NIPAL1: variants seen among roughly 807,000 people sequenced by gnomAD.
NIPAL1 encodes the protein NIPA like domain containing 1, also known as magnesium transporter NIPA3.
NIPAL1 carries 35 observed loss-of-function variants against 37.7 expected under a neutral mutation model. The ratio of observed to expected loss-of-function variants is 0.93; its 90% CI spans 0.71 to 1.23. NIPAL1 has a LOEUF of 1.23. Among genes scored for constraint, NIPAL1 ranks in the 50% most tolerant of loss-of-function variants. NIPAL1 has a pLI of 0.00. For synonymous variants in NIPAL1, 162 were observed against 183.0 expected (o/e 0.89, Z 0.93); for missense variants, 412 against 473.9 (o/e 0.87, Z 1.21).
At chr4:48,019,043 C>T (rs964657931) in intron 1 of NIPAL1, among the ~76,000 whole-genome samples, 6 of 151,986 alleles carry the variant, frequency 3.9e-5, no homozygotes, top group East Asian at 1.9e-4. Context: ...TTTTTTGAGG[C>T]GGAGTGCCAC....
At chr4:48,019,119 G>A (rs1715516621) in intron 1 of NIPAL1, among the ~76,000 whole-genome samples, 1 of 152,218 alleles carries the variant, frequency 6.6e-6, no homozygotes. Flanking sequence ...CTGGGTTCAA[G>A]CAATTCTCCT....
At position 48,039,643 on chromosome 4, in the gene NIPAL1, T is replaced by C. The variant is rs1299355825; in HGVS notation, c.*3471T>C. 2 of 152,232 alleles carry C rather than the reference T, an allele frequency of 1.3e-5. No homozygotes were observed. The highest frequency in any genetic ancestry group is 2.9e-5 in the Non-Finnish European group (2 of 68,032). 9.4% of individuals were successfully genotyped at this position (152,232 alleles called of 1,614,324 possible). ...AATGGTTATTTATTATAAGTTCAGA[T>C]TGCACAATTTTCATAAGACCCTTTG... On this transcript the variant is annotated 3_prime_UTR_variant, in exon 6 of 6. Transcript: ENST00000295461.
In NIPAL1 at chr4:48,036,312, C is replaced by T; in HGVS notation, c.*140C>T. On this transcript the variant is annotated 3_prime_UTR_variant, in exon 6 of 6. Transcript: ENST00000295461. ...TAGATGTGAGGCCAAGTAAAAATGCCATTTTTTTGGCCATTGAATTTGAAA... is the reference window on the plus strand; with the variant it reads ...TAGATGTGAGGCCAAGTAAAAATGCTATTTTTTTGGCCATTGAATTTGAAA... 1.4e-6 allele frequency: 1 copy of T among 722,972 alleles called. No individual in the cohort carries two copies. Among genetic ancestry groups the T allele is most frequent in the Non-Finnish European group, 2.2e-6 (1 of 452,814 alleles). 44.8% of individuals were successfully genotyped at this position (722,972 alleles called of 1,614,324 possible).
chr4:48,031,900 G>A (rs1383770497), intron 3 of NIPAL1, among the ~76,000 whole-genome samples: 1 of 151,908 alleles, frequency 6.6e-6, no homozygotes, highest in Non-Finnish European at 1.5e-5. Context: ...CACCACACCC[G>A]GTTAGTTTTT....
intron 1 of NIPAL1, among the ~76,000 whole-genome samples, chr4:48,018,891 A>G (rs1001856443): frequency 3.9e-5 from 6 of 152,218 alleles, no homozygotes; most frequent in Non-Finnish European, 8.8e-5. Context: ...TGGGTATTCA[A>G]TGAAAGCCCC....
At chr4:48,025,402 G>A (rs2109367563) in intron 2 of NIPAL1, 68 bp downstream of exon 2, 2 of 1,415,666 alleles carry the variant, frequency 1.4e-6, no homozygotes, top group Non-Finnish European at 2.0e-6. Flanking sequence ...CCACATCTCA[G>A]CAATACTCTT....
At chr4:48,031,379 G>T (rs1715815735) in intron 3 of NIPAL1, among the ~76,000 whole-genome samples, 1 of 152,022 alleles carries the variant, frequency 6.6e-6, no homozygotes, top group Non-Finnish European at 1.5e-5. Context: ...AGTTTTTAGG[G>T]TGCTTTTACA....
chr4:48,038,902 T>C lies in NIPAL1; in HGVS notation c.*2730T>C, dbSNP rs1716015645. The C allele has an allele frequency of 6.6e-6, 1 of 152,172 alleles. No homozygotes were observed. The highest frequency in any genetic ancestry group is 6.5e-5 in the Admixed American group (1 of 15,280). The allele number at this position is 152,172 out of a possible 1,614,324, so 9.4% of individuals were successfully genotyped here. A position where few individuals can be genotyped will look rare whatever the true frequency, so the allele number is the denominator to read the frequency against. On this transcript the variant is annotated 3_prime_UTR_variant, in exon 6 of 6. Coordinates refer to ENST00000295461, the MANE Select transcript of NIPAL1 (RefSeq NM_207330.3). ...TACCCTGGACAGGAAATTGAACTGA[T>C]GTTGACATGTATGCATGCCCAGGAG... is the stretch of plus-strand genomic sequence containing the variant.
At chr4:48,021,521 C>G (rs1012110852) in intron 1 of NIPAL1, among the ~76,000 whole-genome samples, 3 of 152,062 alleles carry the variant, frequency 2.0e-5, no homozygotes, top group African/African-American at 7.2e-5. Context: ...TCATATAGTT[C>G]AACATAATAT....
At chr4:48,026,888 T>G (rs1176736443) in intron 2 of NIPAL1, among the ~76,000 whole-genome samples, 1 of 151,922 alleles carries the variant, frequency 6.6e-6, no homozygotes, top group East Asian at 1.9e-4. Context: ...CCAGCTAATT[T>G]TGTATTTTTA....
rs773089312 is a variant in NIPAL1 at position 48,032,998 on chromosome 4, G to A, written c.376G>A (p.Ala126Thr). 6.2e-7 allele frequency: 1 copy of A among 1,612,134 alleles called. No individual in the cohort carries two copies. The highest frequency in any genetic ancestry group is 8.5e-7 in the Non-Finnish European group (1 of 1,178,338). Residue 126 changes from alanine (A) to threonine (T), a missense_variant, in exon 4 of 6, where the codon GCA (alanine) becomes ACA (threonine). Coordinates refer to ENST00000295461, the MANE Select transcript of NIPAL1 (RefSeq NM_207330.3). ...LWWVGLLSMG[A>T]GEAANFAAYA... Reference sequence around the variant, plus strand: ...TATCTCTGCTTGCTTTCTAGTGGGAGCAGGAGAGGCTGCAAATTTTGCTGC... The same window carrying A: ...TATCTCTGCTTGCTTTCTAGTGGGAACAGGAGAGGCTGCAAATTTTGCTGC...
intron 2 of NIPAL1, among the ~76,000 whole-genome samples, chr4:48,029,823 G>C (rs1254315756): frequency 2.6e-5 from 4 of 152,118 alleles, no homozygotes; most frequent in Non-Finnish European, 5.9e-5. Flanking sequence ...AATCATTCCA[G>C]TGTTGCAAAG....
intron 3 of NIPAL1, among the ~76,000 whole-genome samples, chr4:48,031,518 A>G (rs1309484302): frequency 6.6e-6 from 1 of 152,110 alleles, no homozygotes; most frequent in East Asian, 1.9e-4. Context: ...TATAATGAAA[A>G]TATGAGGAGA....
chr4:48,024,917 A>G (rs930057875), intron 1 of NIPAL1, 151 bp from the exon 2 acceptor site: 4 of 654,782 alleles, frequency 6.1e-6, no homozygotes, highest in African/African-American at 3.6e-5. Context: ...GACAGTGTCT[A>G]TAGGTCTGTG....
chr4:48,039,422 T>G lies in NIPAL1; in HGVS notation c.*3250T>G, dbSNP rs1716029823. On this transcript the variant is annotated 3_prime_UTR_variant, in exon 6 of 6. Coordinates refer to ENST00000295461, the MANE Select transcript of NIPAL1 (RefSeq NM_207330.3). ...TGGACCCCTATATTCAGACTATTAG[T>G]CTTAACTGGTAGTTTATGTATATAT... 6.6e-6 allele frequency: 1 copy of G among 152,232 alleles called. No homozygotes were observed. The highest frequency in any genetic ancestry group is 2.4e-5 in the African/African-American group (1 of 41,462). The allele number at this position is 152,232 out of a possible 1,614,324, so 9.4% of individuals were successfully genotyped here. A position where few individuals can be genotyped will look rare whatever the true frequency, so the allele number is the denominator to read the frequency against.
intron 3 of NIPAL1, among the ~76,000 whole-genome samples, chr4:48,031,016 AG>A (rs1715807399): frequency 6.6e-6 from 1 of 152,132 alleles, no homozygotes; most frequent in African/African-American, 2.4e-5. Context: ...AAATATGTAT[AG>A]CCCCTTCAGT....
At chr4:48,017,959 CT>C (rs775019325) in intron 1 of NIPAL1, among the ~76,000 whole-genome samples, 1 of 151,928 alleles carries the variant, frequency 6.6e-6, no homozygotes, top group Admixed American at 6.6e-5. Context: ...CAGCTTATTC[CT>C]TTTTAACAAG....
chr4:48,019,827 C>T (rs534434478), intron 1 of NIPAL1, among the ~76,000 whole-genome samples: 9 of 152,328 alleles, frequency 5.9e-5, no homozygotes, highest in African/African-American at 2.2e-4. Flanking sequence ...TGATCCTTCT[C>T]CCACCTACTC....
In NIPAL1 at chr4:48,039,610, C is replaced by A. The variant is rs1303712739; in HGVS notation, c.*3438C>A. The A allele has an allele frequency of 1.3e-5, 2 of 152,144 alleles. No homozygotes were observed. The highest frequency in any genetic ancestry group is 4.8e-5 in the African/African-American group (2 of 41,434). 9.4% of individuals were successfully genotyped at this position (152,144 alleles called of 1,614,324 possible). ...TATACTTTTGTCTTACAATTTTATTCTTAGGTCAATGGTTATTTATTATAA... is the reference window on the plus strand; with the variant it reads ...TATACTTTTGTCTTACAATTTTATTATTAGGTCAATGGTTATTTATTATAA... On this transcript the variant is annotated 3_prime_UTR_variant, in exon 6 of 6. Coordinates refer to ENST00000295461, the MANE Select transcript of NIPAL1 (RefSeq NM_207330.3).
Sources: allele counts gnomAD v4.1 joint callset (sites outside exome capture counted in the v4.1 genomes callset), GRCh38; gene constraint gnomAD v4.1.1; transcripts MANE v1.5; gene names NCBI Gene and HGNC (gene_info 2026-07-23, HGNC 2026-07-21).